Variants in KREMEN1 observed in about 807,000 individuals in gnomAD.
KREMEN1 encodes kringle containing transmembrane protein 1, also known as kremen protein 1.
In KREMEN1, 30 loss-of-function variants were observed where a neutral mutation model predicts 46.5. The ratio of observed to expected loss-of-function variants is 0.65; its 90% CI spans 0.48 to 0.88. KREMEN1 has a LOEUF of 0.88. KREMEN1 is among the 40% of genes least tolerant of loss of function. The pLI is 0.00. For missense variants in KREMEN1, 533 were observed against 596.9 expected (o/e 0.89, Z 1.11); for synonymous variants, 214 against 230.6 (o/e 0.93, Z 0.65).
chr22:29,107,263 G>A (rs899248620), intron 3 of KREMEN1, among the ~76,000 whole-genome samples: 2 of 114,412 alleles, frequency 1.7e-5, no homozygotes, highest in African/African-American at 6.8e-5. Flanking sequence ...TGCTCTTGTT[G>A]CCCAGGCTGG....
chr22:29,137,244 G>A (rs2038674814), intron 5 of KREMEN1, 98 bp from the exon 6 acceptor site: 2 of 794,684 alleles, frequency 2.5e-6, no homozygotes, highest in Non-Finnish European at 1.9e-6. Context: ...TCCTAAATGG[G>A]ATCCTGCTCG....
chr22:29,120,435 GGT>G (rs2038327908), intron 3 of KREMEN1, among the ~76,000 whole-genome samples: 1 of 119,656 alleles, frequency 8.4e-6, no homozygotes, highest in African/African-American at 3.2e-5. Flanking sequence ...AGGAGGGAGA[GGT>G]GATGATGGAA....
At chr22:29,098,696 A>G (rs766650867) in intron 2 of KREMEN1, among the ~76,000 whole-genome samples, 166 bp from the exon 3 acceptor site, 8 of 152,006 alleles carry the variant, frequency 5.3e-5, no homozygotes, top group Non-Finnish European at 1.2e-4. Context: ...TTGTTCTTGT[A>G]ATATTACCAT....
intron 2 of KREMEN1, among the ~76,000 whole-genome samples, chr22:29,094,675 G>C (rs2037855942): frequency 6.7e-6 from 1 of 148,226 alleles, no homozygotes; most frequent in Non-Finnish European, 1.5e-5. Context: ...CCAGGCTGGA[G>C]TGCAGTGGCG....
intron 9 of KREMEN1, among the ~76,000 whole-genome samples, chr22:29,155,245 CAGG>C (rs1380044846): frequency 6.6e-6 from 1 of 152,122 alleles, no homozygotes; most frequent in Non-Finnish European, 1.5e-5. Context: ...AGGAAGAAGA[CAGG>C]AGGAGGCCAG....
intron 1 of KREMEN1, among the ~76,000 whole-genome samples, chr22:29,077,590 C>T (rs2037593474): frequency 6.6e-6 from 1 of 152,160 alleles, no homozygotes; most frequent in Non-Finnish European, 1.5e-5. Context: ...TTTATGTTAA[C>T]AAAATATTGT....
At chr22:29,079,945 T>TA (rs1461016957) in intron 1 of KREMEN1, among the ~76,000 whole-genome samples, 1 of 152,250 alleles carries the variant, frequency 6.6e-6, no homozygotes, top group African/African-American at 2.4e-5. Context: ...ATTGGGCTGG[T>TA]AAAAATATTT....
chr22:29,095,838 A>T (rs1407186304), intron 2 of KREMEN1, among the ~76,000 whole-genome samples: 21 of 149,558 alleles, frequency 1.4e-4, no homozygotes, highest in Non-Finnish European at 1.5e-5. Context: ...CTATTGACTT[A>T]TTTTGTTTGT....
rs1421342333 is a variant in KREMEN1 at position 29,142,033 on chromosome 22, C to T, written c.1298C>T (p.Ser433Phe). The change falls in exon 9 of 9, where the codon TCC (serine) becomes TTC (phenylalanine). Residue 433 changes from serine to phenylalanine, a missense_variant. By Grantham distance (155) the Ser-to-Phe change is radical. Coordinates refer to ENST00000400335, the MANE Select transcript of KREMEN1 (RefSeq NM_001039570.3). ...GEIWSIFYKP[S>F]TSISIFKKKL... ...ATCTGGAGCATTTTTTACAAGCCTT[C>T]CACTTCAATTTCCATCTTTAAGAAG... The T allele has an allele frequency of 4.3e-6, 7 of 1,613,408 alleles. No homozygotes were observed. Among genetic ancestry groups the T allele is most frequent in the Non-Finnish European group, 5.1e-6 (6 of 1,179,734 alleles).
chr22:29,146,266 C>G lies in KREMEN1; in HGVS notation c.*4154C>G, dbSNP rs868004779. On this transcript the variant is annotated 3_prime_UTR_variant, in exon 9 of 9. Transcript: ENST00000400335. ...CTGGCCAGGTCTCAGCTTAGCTTCC[C>G]TGGTGTGGGGTGTTTTTCAAGCCTT... 1 of 985,802 alleles carries G rather than the reference C, an allele frequency of 1.0e-6. No homozygotes were observed. The highest frequency in any genetic ancestry group is 1.7e-5 in the African/African-American group (1 of 57,222). The allele number at this position is 985,802 out of a possible 1,614,324, so 61.1% of individuals were successfully genotyped here. A position where few individuals can be genotyped will look rare whatever the true frequency, so the allele number is the denominator to read the frequency against.
intron 7 of KREMEN1, among the ~76,000 whole-genome samples, chr22:29,139,009 G>C (rs146043613): frequency 2.0e-5 from 3 of 152,298 alleles, no homozygotes; most frequent in Admixed American, 1.3e-4. Context: ...TTAGGCAAGC[G>C]TGCCTTTTGT....
At chr22:29,161,202 A>G (rs2039006431) in intron 9 of KREMEN1, among the ~76,000 whole-genome samples, 1 of 152,162 alleles carries the variant, frequency 6.6e-6, no homozygotes, top group African/African-American at 2.4e-5. Context: ...AATCAATATC[A>G]TGTTCAGAAA....
At chr22:29,077,778 T>G (rs888925119) in intron 1 of KREMEN1, among the ~76,000 whole-genome samples, 1 of 152,188 alleles carries the variant, frequency 6.6e-6, no homozygotes. Flanking sequence ...CTAGAAAAGG[T>G]GAGAAGGAGG....
At position 29,098,921 on chromosome 22, in the gene KREMEN1, A is replaced by G; in HGVS notation, c.320A>G (p.Tyr107Cys). ...CYVAEHEDGV[Y>C]WKYCEIPACQ... ...GTGGCAGAGCACGAGGATGGTGTCT[A>G]CTGGAAGTACTGTGAGATACCTGCT... Residue 107 changes from tyrosine (Y) to cysteine (C), a missense_variant, in exon 3 of 9, where the codon TAC becomes TGC. Tyr to Cys is a radical substitution (Grantham distance 194). Transcript: ENST00000400335. 1 of 1,613,896 alleles carries G rather than the reference A, an allele frequency of 6.2e-7. No homozygotes were observed. Among genetic ancestry groups the G allele is most frequent in the Non-Finnish European group, 8.5e-7 (1 of 1,179,750 alleles).
chr22:29,146,753 T>C lies in KREMEN1; in HGVS notation c.*4641T>C. The C allele has an allele frequency of 8.4e-6, 8 of 951,792 alleles. No individual in the cohort carries two copies. The highest frequency in any genetic ancestry group is 7.5e-6 in the Non-Finnish European group (6 of 798,978). 59.0% of individuals were successfully genotyped at this position (951,792 alleles called of 1,614,324 possible). On this transcript the variant is annotated 3_prime_UTR_variant, in exon 9 of 9. Transcript: ENST00000400335. Reference sequence around the variant, plus strand: ...AAGAAAATGGAATGTAATGGTACTTTTACAAACGAGAAAAAATGTTATTTT... The same window carrying C: ...AAGAAAATGGAATGTAATGGTACTTCTACAAACGAGAAAAAATGTTATTTT...
chr22:29,130,251 A>T (rs1458912629), intron 5 of KREMEN1, among the ~76,000 whole-genome samples: 1 of 152,236 alleles, frequency 6.6e-6, no homozygotes, highest in African/African-American at 2.4e-5. Context: ...TCCTGCCTTC[A>T]TGGAACCTTT....
At chr22:29,119,688 G>C (rs2038299288) in intron 3 of KREMEN1, among the ~76,000 whole-genome samples, 1 of 152,236 alleles carries the variant, frequency 6.6e-6, no homozygotes, top group African/African-American at 2.4e-5. Flanking sequence ...CTGTCTACCA[G>C]AGTTGGTACA....
chr22:29,083,830 CA>C (rs1033661304), intron 1 of KREMEN1, among the ~76,000 whole-genome samples: 98 of 133,698 alleles, frequency 7.3e-4, no homozygotes, highest in South Asian at 4.7e-4. Flanking sequence ...AGACTCATCT[CA>C]AAAAAAAAAA....
At chr22:29,120,856 G>C (rs2038345006) in intron 3 of KREMEN1, among the ~76,000 whole-genome samples, 1 of 152,128 alleles carries the variant, frequency 6.6e-6, no homozygotes, top group African/African-American at 2.4e-5. Flanking sequence ...CTAGGTTTGT[G>C]GTAATTTGTC....
Sources: gnomAD v4.1 joint callset for allele counts (sites outside exome capture counted in the v4.1 genomes callset) on GRCh38, gnomAD v4.1.1 for gene constraint, MANE v1.5 for transcripts, NCBI Gene and HGNC (gene_info 2026-07-23, HGNC 2026-07-21) for gene names.